LRMDA: variants seen among roughly 807,000 people sequenced by gnomAD.
LRMDA encodes leucine rich melanocyte differentiation associated.
In LRMDA, 18 loss-of-function variants were observed where a neutral mutation model predicts 29.8. The observed-to-expected ratio is 0.60, with a 90% CI of 0.42 to 0.90. The LOEUF is 0.90. Among genes scored for constraint, LRMDA ranks in the 40% least tolerant of loss-of-function variants. The probability of loss-of-function intolerance (pLI) is 0.00; values close to 1 mark genes in which losing one functional copy is unlikely to be tolerated. For synonymous variants in LRMDA, 125 were observed against 109.4 expected (o/e 1.14, Z -0.89); for missense variants, 273 against 273.9 (o/e 1.00, Z 0.02).
At chr10:76,054,720 CTT>C (rs1395230502) in intron 4 of LRMDA, among the ~76,000 whole-genome samples, 1 of 150,940 alleles carries the variant, frequency 6.6e-6, no homozygotes, top group African/African-American at 2.4e-5. Context: ...GTCATAAAGA[CTT>C]TTCTGCTACA....
chr10:76,276,870 C>T (rs1029144675), intron 5 of LRMDA, among the ~76,000 whole-genome samples: 3 of 152,182 alleles, frequency 2.0e-5, no homozygotes. Context: ...GTCCAGTTTT[C>T]AAAGCCTTTG....
chr10:75,674,240 G>T (rs1012697917), intron 2 of LRMDA, among the ~76,000 whole-genome samples: 6 of 152,184 alleles, frequency 3.9e-5, no homozygotes, highest in Non-Finnish European at 2.9e-5. Context: ...GATTAGAGGT[G>T]TCTTTAGTTC....
At chr10:75,450,769 C>T (rs1204859105) in intron 2 of LRMDA, 1 of 152,238 alleles carries the variant, frequency 6.6e-6, no homozygotes. Context: ...TGCATTAAAT[C>T]CATTTAGTAT....
intron 2 of LRMDA, among the ~76,000 whole-genome samples, chr10:75,670,514 C>A (rs769602899): frequency 6.6e-6 from 1 of 152,104 alleles, no homozygotes; most frequent in Non-Finnish European, 1.5e-5. Context: ...GAAGCAGGCT[C>A]GCTAGATGAG....
intron 6 of LRMDA, among the ~76,000 whole-genome samples, chr10:76,435,103 T>C (rs1309644159): frequency 6.6e-6 from 1 of 152,206 alleles, no homozygotes. Flanking sequence ...AAACTAAGAA[T>C]AATCTATATG....
chr10:75,693,714 C>T (rs187406492), intron 2 of LRMDA, among the ~76,000 whole-genome samples: 7 of 152,248 alleles, frequency 4.6e-5, no homozygotes, highest in African/African-American at 1.7e-4. Context: ...CTTTGAGCTA[C>T]ATCAGTTTAG....
intron 2 of LRMDA, among the ~76,000 whole-genome samples, chr10:75,449,744 TATC>T (rs1844438262): frequency 6.6e-6 from 1 of 152,126 alleles, no homozygotes; most frequent in African/African-American, 2.4e-5. Context: ...CCAGAGAACT[TATC>T]TTCTTCTTTC....
At chr10:76,530,781 A>G (rs1843225010) in intron 6 of LRMDA, among the ~76,000 whole-genome samples, 1 of 152,232 alleles carries the variant, frequency 6.6e-6, no homozygotes, top group Non-Finnish European at 1.5e-5. Flanking sequence ...TTTTCATTCC[A>G]TGAAAGAATT....
In LRMDA at chr10:76,005,544, T is replaced by C. The variant is rs139039954; in HGVS notation, c.132-30464T>C. Among the ~76,000 whole-genome samples, 445 of 152,204 alleles carry C rather than the reference T, an allele frequency of 2.9e-3. 2 individuals are homozygous for C. Among genetic ancestry groups the C allele is most frequent in the Non-Finnish European group, 2.7e-3 (184 of 68,004 alleles). On this transcript the variant is annotated intron_variant, in intron 2 of 6. Transcript: ENST00000611255. ...GGGAGGAGCACTTGAGCCCAGGAGT[T>C]TGAGGCTGCAGTGAGCTATGATTGT... is the stretch of plus-strand genomic sequence containing the variant.
chr10:76,523,416 G>A (rs183501195), intron 6 of LRMDA, among the ~76,000 whole-genome samples: 480 of 152,220 alleles, frequency 3.2e-3, no homozygotes, highest in Non-Finnish European at 4.6e-3. Flanking sequence ...CAGGAAACAC[G>A]CCGCTATTTA....
Position 76,558,268 on chromosome 10 carries a change from AAAAC to A in LRMDA, c.*984_*987del, listed in dbSNP as rs1843582407. 1 of 152,236 alleles carries A rather than the reference AAAAC, an allele frequency of 6.6e-6. No individual in the cohort carries two copies. The highest frequency in any genetic ancestry group is 2.4e-5 in the African/African-American group (1 of 41,466). 9.4% of individuals were successfully genotyped at this position (152,236 alleles called of 1,614,324 possible). A position where few individuals can be genotyped will look rare whatever the true frequency, so the allele number is the denominator to read the frequency against. On this transcript the variant is annotated 3_prime_UTR_variant, in exon 7 of 7. Coordinates refer to ENST00000611255, the MANE Select transcript of LRMDA (RefSeq NM_001305581.2). Reference sequence around the variant, plus strand: ...ATAGAGTGAAGGGTCAGGAGGTTAAAAAACAAAATTAAGACTGTTGAAAACACCC... The same window carrying A: ...ATAGAGTGAAGGGTCAGGAGGTTAAAAAAATTAAGACTGTTGAAAACACCC...
At chr10:76,237,815 G>A (rs930960514) in intron 5 of LRMDA, among the ~76,000 whole-genome samples, 4 of 120,322 alleles carry the variant, frequency 3.3e-5, no homozygotes, top group African/African-American at 1.3e-4. Context: ...TTTTTAAGAT[G>A]GAGTCTTGCT....
At chr10:76,193,384 G>A (rs548495074) in intron 5 of LRMDA, among the ~76,000 whole-genome samples, 66 of 152,220 alleles carry the variant, frequency 4.3e-4, no homozygotes, top group African/African-American at 1.5e-3. Context: ...CTTTTAAAGT[G>A]ATTTCGGAAG....
intron 4 of LRMDA, among the ~76,000 whole-genome samples, chr10:76,053,239 AAT>A (rs1430613645): frequency 6.6e-6 from 1 of 152,126 alleles, no homozygotes; most frequent in Non-Finnish European, 1.5e-5. Context: ...TTGAACCATC[AAT>A]AGCTCGTGGA....
chr10:75,439,485 T>C (rs887819354), intron 2 of LRMDA, among the ~76,000 whole-genome samples: 1 of 152,028 alleles, frequency 6.6e-6, no homozygotes, highest in Non-Finnish European at 1.5e-5. Flanking sequence ...AATTGGAAAA[T>C]GGAACACAAC....
chr10:75,664,213 G>A (rs1370349029), intron 2 of LRMDA, among the ~76,000 whole-genome samples: 1 of 152,076 alleles, frequency 6.6e-6, no homozygotes, highest in East Asian at 1.9e-4. Context: ...TCTCTCCCTG[G>A]AATCCAAAAC....
intron 5 of LRMDA, among the ~76,000 whole-genome samples, chr10:76,069,638 T>C (rs1232950969): frequency 2.6e-5 from 4 of 151,904 alleles, no homozygotes; most frequent in Non-Finnish European, 4.4e-5. Context: ...GGGGGATATG[T>C]ACTGGGGCTT....
intron 2 of LRMDA, among the ~76,000 whole-genome samples, chr10:75,996,046 T>C (rs547439716): frequency 1.3e-5 from 2 of 152,294 alleles, no homozygotes; most frequent in African/African-American, 4.8e-5. Context: ...TTTAAGCCCA[T>C]GAAGTTAAGC....
At chr10:75,821,797 A>AACAG (rs1464920280) in intron 2 of LRMDA, among the ~76,000 whole-genome samples, 5 of 150,254 alleles carry the variant, frequency 3.3e-5, no homozygotes, top group African/African-American at 1.2e-4. Context: ...CAAACAAACA[A>AACAG]AAAAAACCCT....
Sources: gnomAD v4.1 joint callset for allele counts (sites outside exome capture counted in the v4.1 genomes callset) on GRCh38, gnomAD v4.1.1 for gene constraint, MANE v1.5 for transcripts, NCBI Gene and HGNC (gene_info 2026-07-23, HGNC 2026-07-21) for gene names.